The following BRINP3 variants were observed in gnomAD, a reference collection of about 807,000 sequenced individuals.
BRINP3 encodes BMP/retinoic acid inducible neural specific 3.
A neutral mutation model predicts 71.0 loss-of-function variants in BRINP3; 19 were observed. The ratio of observed to expected loss-of-function variants is 0.27; its 90% CI spans 0.19 to 0.39. The LOEUF is 0.39. Among genes scored for constraint, BRINP3 ranks in the 10% least tolerant of loss-of-function variants. The probability of loss-of-function intolerance (pLI) is 1.00; values close to 1 mark genes in which losing one functional copy is unlikely to be tolerated. For missense variants in BRINP3, 959 were observed against 940.8 expected (o/e 1.02, Z -0.25); for synonymous variants, 380 against 337.7 (o/e 1.13, Z -1.37).
At chr1:190,225,740 C>T (rs1207978290) in intron 6 of BRINP3, among the ~76,000 whole-genome samples, 1 of 151,892 alleles carries the variant, frequency 6.6e-6, no homozygotes, top group Non-Finnish European at 1.5e-5. Context: ...CTTCATTTTG[C>T]TGCACAAGAG....
At chr1:190,143,986 G>T (rs1284884728) in intron 7 of BRINP3, among the ~76,000 whole-genome samples, 2 of 152,094 alleles carry the variant, frequency 1.3e-5, no homozygotes, top group Admixed American at 1.3e-4. Flanking sequence ...CATGATGTCT[G>T]GTTGGCTTGT....
intron 2 of BRINP3, among the ~76,000 whole-genome samples, chr1:190,436,101 T>C (rs1674436387): frequency 1.3e-5 from 2 of 151,936 alleles, no homozygotes; most frequent in Non-Finnish European, 2.9e-5. Context: ...ATAATACTGG[T>C]TCCACATCAA....
chr1:190,282,532 C>T (rs1435871891), intron 2 of BRINP3, among the ~76,000 whole-genome samples: 1 of 151,908 alleles, frequency 6.6e-6, no homozygotes, highest in East Asian at 1.9e-4. Flanking sequence ...CAGGGAAGAA[C>T]ACTCTTCATT....
At chr1:190,314,237 G>A (rs1464959889) in intron 2 of BRINP3, among the ~76,000 whole-genome samples, 1 of 151,966 alleles carries the variant, frequency 6.6e-6, no homozygotes, top group East Asian at 1.9e-4. Context: ...GAAACATATT[G>A]GAAAAATAAT....
intron 2 of BRINP3, among the ~76,000 whole-genome samples, chr1:190,380,354 G>A (rs1302437801): frequency 6.6e-6 from 1 of 152,046 alleles, no homozygotes; most frequent in African/African-American, 2.4e-5. Flanking sequence ...TAGAATTTTT[G>A]GAAGAATGTC....
chr1:190,251,123 T>A (rs1002306107), intron 4 of BRINP3, among the ~76,000 whole-genome samples: 5 of 151,864 alleles, frequency 3.3e-5, no homozygotes, highest in Admixed American at 2.0e-4. Flanking sequence ...TTTGGTTCCC[T>A]TTTTAGCAAT....
At chr1:190,474,311 GAAA>G (rs1677355163) in intron 1 of BRINP3, 1 of 152,584 alleles carries the variant, frequency 6.6e-6, no homozygotes, top group Admixed American at 6.5e-5. Context: ...AGGACCAACT[GAAA>G]ATGCATATAT....
At chr1:190,161,771 T>C (rs1650992815) in intron 6 of BRINP3, among the ~76,000 whole-genome samples, 1 of 152,172 alleles carries the variant, frequency 6.6e-6, no homozygotes, top group South Asian at 2.1e-4. Context: ...ATACAAAATG[T>C]ATTATATACA....
chr1:190,184,469 A>G (rs1277025451), intron 6 of BRINP3, among the ~76,000 whole-genome samples: 6 of 152,162 alleles, frequency 3.9e-5, no homozygotes, highest in African/African-American at 1.4e-4. Context: ...TAGCTCAGAC[A>G]TGCAATCAAC....
chr1:190,219,702 G>A (rs1656707235), intron 6 of BRINP3, among the ~76,000 whole-genome samples: 3 of 151,930 alleles, frequency 2.0e-5, no homozygotes, highest in Admixed American at 6.6e-5. Context: ...GCTGGATGTG[G>A]TGGCGGATGT....
At chr1:190,301,474 T>C (rs1664735495) in intron 2 of BRINP3, among the ~76,000 whole-genome samples, 1 of 151,458 alleles carries the variant, frequency 6.6e-6, no homozygotes, top group Admixed American at 6.6e-5. Flanking sequence ...TTTATCATAT[T>C]TTTCCTTTTT....
chr1:190,243,026 C>G (rs548494413), intron 4 of BRINP3, among the ~76,000 whole-genome samples: 2 of 152,188 alleles, frequency 1.3e-5, no homozygotes, highest in Middle Eastern at 3.4e-3. Context: ...CAAAATAATA[C>G]ACAAGCACAC....
intron 4 of BRINP3, among the ~76,000 whole-genome samples, chr1:190,240,322 A>G (rs952453509): frequency 6.6e-6 from 1 of 152,074 alleles, no homozygotes; most frequent in African/African-American, 2.4e-5. Context: ...GAGTATTTTC[A>G]AATAAATCAT....
At chr1:190,279,408 T>C (rs1356225169) in intron 3 of BRINP3, among the ~76,000 whole-genome samples, 1 of 151,806 alleles carries the variant, frequency 6.6e-6, no homozygotes, top group East Asian at 1.9e-4. Context: ...ATCACATAGG[T>C]GTTATTCTCC....
chr1:190,454,773 C>A lies in BRINP3; in HGVS notation c.118G>T (p.Ala40Ser), dbSNP rs1675879189. The A allele has an allele frequency of 6.2e-7, 1 of 1,614,138 alleles. No homozygotes were observed. The highest frequency in any genetic ancestry group is 8.5e-7 in the Non-Finnish European group (1 of 1,180,016). ...LAVAAVSDQH[A>S]TSPFDWLLSD... is the part of the protein sequence containing the mutation. ...AGGAGCCAGTCGAAGGGGCTTGTGG[C>A]ATGCTGATCCGAAACAGCAGCAACC... is the stretch of plus-strand genomic sequence containing the variant. Residue 40 changes from alanine to serine, a missense_variant, in exon 2 of 8, where the codon GCC (alanine) becomes TCC (serine). By Grantham distance (99) the Ala-to-Ser change is moderately conservative (BLOSUM62 1). Transcript: ENST00000367462.
At chr1:190,233,036 A>G (rs573331057) in intron 5 of BRINP3, among the ~76,000 whole-genome samples, 1 of 152,296 alleles carries the variant, frequency 6.6e-6, no homozygotes, top group South Asian at 2.1e-4. Context: ...TTTTAATACA[A>G]CTCAAAATAA....
chr1:190,372,735 C>T (rs1669942286), intron 2 of BRINP3, among the ~76,000 whole-genome samples: 1 of 152,118 alleles, frequency 6.6e-6, no homozygotes, highest in Non-Finnish European at 1.5e-5. Flanking sequence ...TCAGGAATTA[C>T]ACTAAAACAG....
intron 2 of BRINP3, among the ~76,000 whole-genome samples, chr1:190,414,886 A>G (rs1672915291): frequency 6.6e-6 from 1 of 152,332 alleles, no homozygotes; most frequent in African/African-American, 2.4e-5. Flanking sequence ...TTTGTTGCCA[A>G]TCTTATACCT....
chr1:190,403,230 A>T (rs1672049446), intron 2 of BRINP3, among the ~76,000 whole-genome samples: 1 of 152,246 alleles, frequency 6.6e-6, no homozygotes, highest in African/African-American at 2.4e-5. Flanking sequence ...GAGACATATA[A>T]GCATAAAGAA....
Sources: allele counts gnomAD v4.1 joint callset (sites outside exome capture counted in the v4.1 genomes callset), GRCh38; gene constraint gnomAD v4.1.1; transcripts MANE v1.5; gene names NCBI Gene and HGNC (gene_info 2026-07-23, HGNC 2026-07-21).